The following ZNF738 variants were observed in gnomAD, a reference collection of about 807,000 sequenced individuals.
ZNF738 encodes the protein protein ZNF738.
Under a neutral mutation model 9.2 loss-of-function variants are expected in ZNF738, and 10 were observed. The ratio of observed to expected loss-of-function variants is 1.09; its 90% confidence interval spans 0.67 to 1.85. The LOEUF (loss-of-function observed/expected upper bound fraction) is 1.85. ZNF738 is among the 40% of genes most tolerant of loss of function. The pLI is 0.00. For missense variants in ZNF738, 346 were observed against 283.6 expected, an observed-to-expected ratio of 1.22 and a Z score of -1.58; for synonymous variants, 113 against 94.5, an observed-to-expected ratio of 1.20 and a Z score of -1.14.
chr19:21,361,885 CT>C (rs1973700686), intron 2 of ZNF738, 27 bp downstream of exon 2: 1 of 762,450 alleles, frequency 1.3e-6, no homozygotes, highest in Non-Finnish European at 2.4e-6. Context: ...TTAAAATTGT[CT>C]TTGGGACCAG....
rs1361142877 is a variant in ZNF738, at chr19:21,384,410, A to C, written c.*736A>C. The stretch of plus-strand genomic sequence containing the variant: ...ATAAGAGAATTCATAATGGAGAGAA[A>C]CCCTACAAATGTTTAGAATGTGGCA... On this transcript the variant is annotated 3_prime_UTR_variant, in exon 5 of 5. Coordinates refer to ENST00000683779, the MANE Select transcript of ZNF738 (RefSeq NM_001355237.2). Among the ~76,000 whole-genome samples the C allele has an allele frequency of 6.6e-6, 1 of 152,142 alleles. No individual in the cohort carries two copies. Among genetic ancestry groups the C allele is most frequent in the Non-Finnish European group, 1.5e-5 (1 of 68,020 alleles).
chr19:21,373,934 G>A (rs1311625260), intron 2 of ZNF738, among the ~76,000 whole-genome samples: 3 of 152,104 alleles, frequency 2.0e-5, no homozygotes, highest in South Asian at 2.1e-4. Flanking sequence ...TCTTGTGGTA[G>A]TCAAGGGTCT....
At chr19:21,363,158 A>G (rs556198901) in intron 2 of ZNF738, among the ~76,000 whole-genome samples, 9 of 152,346 alleles carry the variant, frequency 5.9e-5, no homozygotes, top group Non-Finnish European at 8.8e-5. Context: ...TGATAGAAAT[A>G]CTTTTGCTTT....
Position 21,384,231 on chromosome 19 carries a change from A to G in ZNF738, c.*557A>G. ...CCTTACTACACATAAGAGAATTCAT[A>G]CTGGTGAGAAACCCTACAAATGTGA... is the stretch of plus-strand genomic sequence containing the variant. On this transcript the variant is annotated 3_prime_UTR_variant, in exon 5 of 5. Coordinates refer to ENST00000683779, the MANE Select transcript of ZNF738 (RefSeq NM_001355237.2). The G allele has an allele frequency of 7.1e-7, 1 of 1,405,268 alleles. No individual in the cohort carries two copies. The highest frequency in any genetic ancestry group is 1.0e-6 in the Non-Finnish European group (1 of 997,014). The allele number at this position is 1,405,268 out of a possible 1,614,324, so 87.0% of individuals were successfully genotyped here.
Position 21,365,956 on chromosome 19 carries a change from C to CAAA in ZNF738, c.96+4108_96+4110dup, listed in dbSNP as rs34286707. Among the ~76,000 whole-genome samples the CAAA allele has an allele frequency of 1.0e-3, 143 of 143,526 alleles. 1 individual carries two copies. Among genetic ancestry groups the CAAA allele is most frequent in the Middle Eastern group, 3.7e-3 (1 of 270 alleles). 94.2% of individuals were successfully genotyped at this position (143,526 alleles called of 152,430 possible). On this transcript the variant is annotated intron_variant, in intron 2 of 4. Transcript: ENST00000683779. Reference sequence around the variant, plus strand: ...TGGGTGACAGAGGGAGACTCCATCTCAAAAAAAAAAAAGAATAGGAAACAT... The same window carrying CAAA: ...TGGGTGACAGAGGGAGACTCCATCTCAAAAAAAAAAAAAAAGAATAGGAAACAT...
rs541803207 is a variant in ZNF738, at chr19:21,373,824, TC to T, written c.97-1412del. 7.6e-4 allele frequency among the ~76,000 whole-genome samples: 115 copies of T among 151,898 alleles called. 1 individual carries two copies. The highest frequency in any genetic ancestry group is 1.5e-3 in the South Asian group (7 of 4,800). On this transcript the variant is annotated intron_variant, in intron 2 of 4. Coordinates refer to ENST00000683779, the MANE Select transcript of ZNF738 (RefSeq NM_001355237.2). ...AACATGTGTCAGATGAAGAGCTGTG[TC>T]CACTCTGCCTCCTGGAGTGCGATGC...
In ZNF738 at chr19:21,383,302, A is replaced by T; in HGVS notation, c.756A>T (p.Arg252Ser). 3.3e-6 allele frequency: 5 copies of T among 1,528,044 alleles called. No homozygotes were observed. In the South Asian group the frequency reaches 5.8e-5, roughly 18 times the overall value. 94.7% of individuals were successfully genotyped at this position (1,528,044 alleles called of 1,614,324 possible). The change falls in exon 5 of 5, where the codon AGA (arginine) becomes AGT (serine). Residue 252 changes from arginine to serine, a missense_variant. Physicochemically the swap from Arg to Ser is moderately radical, Grantham distance 110 (BLOSUM62 -1). Transcript: ENST00000683779. Reference sequence around the variant, plus strand: ...TCTCAACCCTTACTAGACACAAGAGAATTCATACTGGAGACAAATCCTACA... The same window carrying T: ...TCTCAACCCTTACTAGACACAAGAGTATTCATACTGGAGACAAATCCTACA... ...KWFSTLTRHKRIHTGDKSYKH... is the reference protein window; with the variant it reads ...KWFSTLTRHKSIHTGDKSYKH...
intron 4 of ZNF738, chr19:21,378,326 G>C (rs1374687924): frequency 4.3e-6 from 1 of 233,694 alleles, no homozygotes; most frequent in Non-Finnish European, 8.5e-6. Flanking sequence ...GTTTTAATAT[G>C]ATTTTGTGTT....
chr19:21,365,890 G>A (rs1973770057), intron 2 of ZNF738, among the ~76,000 whole-genome samples: 1 of 151,342 alleles, frequency 6.6e-6, no homozygotes, highest in Admixed American at 6.6e-5. Context: ...CTGGGAGGCA[G>A]AAGTTGCAGT....
Position 21,385,479 on chromosome 19 carries a change from A to AT in ZNF738, c.*1805_*1806insT, listed in dbSNP as rs1490526459. Among the ~76,000 whole-genome samples the AT allele has an allele frequency of 6.6e-6, 1 of 151,630 alleles. No individual in the cohort carries two copies. Among genetic ancestry groups the AT allele is most frequent in the Admixed American group, 6.6e-5 (1 of 15,216 alleles). ...TCCAAAAAAATAAATAAATAAATAAAAAAAATAAGAGAGTTCATACTAGAG... is the reference window on the plus strand; with the variant it reads ...TCCAAAAAAATAAATAAATAAATAAATAAAAATAAGAGAGTTCATACTAGAG... On this transcript the variant is annotated 3_prime_UTR_variant, in exon 5 of 5. Coordinates refer to ENST00000683779, the MANE Select transcript of ZNF738 (RefSeq NM_001355237.2).
At chr19:21,375,759 G>A in intron 3 of ZNF738, 110 bp from the exon 4 acceptor site, 1 of 520,128 alleles carries the variant, frequency 1.9e-6, no homozygotes, top group South Asian at 2.9e-5. Flanking sequence ...ATAGTATTTT[G>A]GGATGAATTT....
At position 21,384,662 on chromosome 19, in the gene ZNF738, A is replaced by G. The variant is rs554837128; in HGVS notation, c.*988A>G. Among the ~76,000 whole-genome samples, 1 of 152,272 alleles carries G rather than the reference A, an allele frequency of 6.6e-6. No homozygotes were observed. Among genetic ancestry groups the G allele is most frequent in the Admixed American group, 6.5e-5 (1 of 15,294 alleles). On this transcript the variant is annotated 3_prime_UTR_variant, in exon 5 of 5. Coordinates refer to ENST00000683779, the MANE Select transcript of ZNF738 (RefSeq NM_001355237.2). ...ATAAGATAACTCATACTGGAGAGAAACCCTACAAATGTGAAGAATGTGGAA... is the reference window on the plus strand; with the variant it reads ...ATAAGATAACTCATACTGGAGAGAAGCCCTACAAATGTGAAGAATGTGGAA...
At position 21,386,535 on chromosome 19, in the gene ZNF738, G is replaced by T; in HGVS notation, c.*2861G>T. 2.7e-6 allele frequency: 1 copy of T among 371,488 alleles called. No homozygotes were observed. Among genetic ancestry groups the T allele is most frequent in the Non-Finnish European group, 5.5e-6 (1 of 182,668 alleles). 23.0% of individuals were successfully genotyped at this position (371,488 alleles called of 1,614,324 possible). A position where few individuals can be genotyped will look rare whatever the true frequency, so the allele number is the denominator to read the frequency against. ...AAGAATGTGGCAAAGCTTTTAACCA[G>T]TCCTACAAACCTTTTTGAACAAAAT... On this transcript the variant is annotated 3_prime_UTR_variant, in exon 5 of 5. Transcript: ENST00000683779.
intron 1 of ZNF738, chr19:21,360,601 G>C (rs920658338): frequency 2.6e-5 from 4 of 151,600 alleles, no homozygotes; most frequent in African/African-American, 9.7e-5. Flanking sequence ...TTACAGGTGC[G>C]CGCCATCATA....
intron 2 of ZNF738, among the ~76,000 whole-genome samples, chr19:21,364,762 T>G (rs12979371): frequency 0.62 from 79,958 of 128,468 alleles, 22,673 homozygotes; most frequent in Middle Eastern, 0.76. Context: ...TTTTTTTTTT[T>G]TTGAGAGGGA....
At chr19:21,372,839 T>C (rs1973873799) in intron 2 of ZNF738, 1 of 152,232 alleles carries the variant, frequency 6.6e-6, no homozygotes, top group Non-Finnish European at 1.5e-5. Context: ...TTAGTTCATG[T>C]GTACATGTTG....
At chr19:21,372,630 G>C (rs1316741736) in intron 2 of ZNF738, 1 of 152,156 alleles carries the variant, frequency 6.6e-6, no homozygotes, top group Non-Finnish European at 1.5e-5. Context: ...TGCTCTACAA[G>C]TCATAAACAA....
chr19:21,381,253 C>A, intron 4 of ZNF738: 1 of 1,588,736 alleles, frequency 6.3e-7, no homozygotes, highest in Admixed American at 1.7e-5. Flanking sequence ...AGCCACACGT[C>A]CCTTTGATGT....
chr19:21,377,762 C>A (rs1973950920), intron 4 of ZNF738: 2 of 358,150 alleles, frequency 5.6e-6, no homozygotes, highest in Non-Finnish European at 5.0e-6. Flanking sequence ...CATTAGATGT[C>A]AGCTGACCCT....
Sources: allele counts gnomAD v4.1 joint callset (sites outside exome capture counted in the v4.1 genomes callset), GRCh38; gene constraint gnomAD v4.1.1; transcripts MANE v1.5; gene names NCBI Gene and HGNC (gene_info 2026-07-23, HGNC 2026-07-21).